The following FILIP1L variants were observed in gnomAD, a reference collection of about 807,000 sequenced individuals.
The protein encoded by FILIP1L is filamin A interacting protein 1 like, also known as filamin A-interacting protein 1-like.
A neutral mutation model predicts 96.6 loss-of-function variants in FILIP1L; 55 were observed. That is an observed-to-expected ratio of 0.57 (90% CI 0.46 to 0.71). The LOEUF is 0.71. Among genes scored for constraint, FILIP1L ranks in the 30% least tolerant of loss-of-function variants. The pLI, the probability that FILIP1L is intolerant of heterozygous loss-of-function variation, is 0.00. For synonymous variants in FILIP1L, 467 were observed against 473.9 expected (o/e 0.99, Z 0.19); for missense variants, 1,304 against 1,321.2 (o/e 0.99, Z 0.20).
chr3:100,042,951 A>C (rs1403867533), intron 1 of FILIP1L, among the ~76,000 whole-genome samples: 1 of 152,236 alleles, frequency 6.6e-6, no homozygotes, highest in Non-Finnish European at 1.5e-5. Flanking sequence ...GTAAAGTCCT[A>C]CATGTTTGTG....
At position 100,047,623 on chromosome 3, in the gene FILIP1L, A is replaced by C. The variant is rs144588961; in HGVS notation, c.-11+66430T>G. Among the ~76,000 whole-genome samples, 469 of 152,340 alleles carry C rather than the reference A, an allele frequency of 3.1e-3. 4 individuals are homozygous for C. Among genetic ancestry groups the C allele is most frequent in the African/African-American group, 0.011 (444 of 41,580 alleles). ...TTATGCCTCCGCAAACAGTGATTCA[A>C]CTGCAGGTGTCTGTCAAGAGACAGT... On this transcript the variant is annotated intron_variant, in intron 1 of 5. Transcript: ENST00000477258.
At chr3:99,992,016 A>G (rs1264466174) in intron 1 of FILIP1L, among the ~76,000 whole-genome samples, 3 of 149,084 alleles carry the variant, frequency 2.0e-5, no homozygotes, top group African/African-American at 7.4e-5. Flanking sequence ...GTGTGTGTAT[A>G]TATATATATA....
chr3:99,983,414 ATATATG>A (rs1191921981), intron 1 of FILIP1L, among the ~76,000 whole-genome samples: 37 of 95,014 alleles, frequency 3.9e-4, no homozygotes, highest in Non-Finnish European at 5.9e-4. Context: ...ATATATATAT[ATATATG>A]TATGTATGTA....
intron 4 of FILIP1L, among the ~76,000 whole-genome samples, chr3:99,884,528 C>T (rs972578383): frequency 6.6e-6 from 1 of 152,136 alleles, no homozygotes; most frequent in African/African-American, 2.4e-5. Flanking sequence ...AGCCTACTGT[C>T]TGTCAGTCAC....
chr3:99,895,410 A>C, intron 4 of FILIP1L, among the ~76,000 whole-genome samples: 1 of 150,534 alleles, frequency 6.6e-6, no homozygotes. Context: ...TGTATCCCAT[A>C]ACATATGAAT....
intron 1 of FILIP1L, among the ~76,000 whole-genome samples, chr3:100,030,201 A>G (rs1482997658): frequency 1.3e-5 from 2 of 152,124 alleles, no homozygotes; most frequent in African/African-American, 4.8e-5. Flanking sequence ...CTAGTTTAAT[A>G]TTATTTTCTC....
intron 1 of FILIP1L, among the ~76,000 whole-genome samples, chr3:100,045,686 T>G (rs1347374337): frequency 6.6e-6 from 1 of 152,204 alleles, no homozygotes; most frequent in Non-Finnish European, 1.5e-5. Context: ...TTGAGAAATA[T>G]CTGTCTAAAT....
intron 1 of FILIP1L, among the ~76,000 whole-genome samples, chr3:99,948,113 T>C (rs1414151323): frequency 2.0e-5 from 3 of 152,214 alleles, no homozygotes; most frequent in African/African-American, 7.2e-5. Flanking sequence ...TGCTGTCTTA[T>C]GTCCAAAAAA....
chr3:100,094,726 C>T lies in FILIP1L; in HGVS notation c.-11+19327G>A, dbSNP rs567722126. On this transcript the variant is annotated intron_variant, in intron 1 of 5. Transcript: ENST00000477258. ...TTTGAGACAGTCTCGCTCTGTCACCCGAGCTGGAGTGCAGTGGCACAATCT... is the reference window on the plus strand; with the variant it reads ...TTTGAGACAGTCTCGCTCTGTCACCTGAGCTGGAGTGCAGTGGCACAATCT... 1.1e-3 allele frequency among the ~76,000 whole-genome samples: 148 copies of T among 135,746 alleles called. 1 individual carries two copies. Among genetic ancestry groups the T allele is most frequent in the Admixed American group, 3.1e-3 (38 of 12,226 alleles). The allele number at this position is 135,746 out of a possible 152,430, so 89.1% of individuals were successfully genotyped here.
chr3:99,848,754 G>A lies in FILIP1L; in HGVS notation c.2922C>T (p.Ser974=). The A allele has an allele frequency of 6.2e-7, 1 of 1,614,126 alleles. No homozygotes were observed. The highest frequency in any genetic ancestry group is 8.5e-7 in the Non-Finnish European group (1 of 1,180,012). ...TGGCAAAGGTTGCCATGGTAATTGG[G>A]GACATGCCTTGTTCTAAATTCATGA... ...EDLMNLEQGM[S]PITMATFARA... Residue 974 remains serine, a synonymous_variant, in exon 5 of 6, where the codon TCC becomes TCT. Coordinates refer to ENST00000477258, the MANE Select transcript of FILIP1L (RefSeq NM_001387850.1).
At chr3:99,952,380 C>T (rs148340924) in intron 1 of FILIP1L, among the ~76,000 whole-genome samples, 303 of 152,226 alleles carry the variant, frequency 2.0e-3, no homozygotes, top group African/African-American at 6.8e-3. Context: ...TTCTGCCAGT[C>T]ATTATGTCTG....
chr3:99,922,649 G>C (rs1707160847), intron 4 of FILIP1L, among the ~76,000 whole-genome samples: 1 of 152,118 alleles, frequency 6.6e-6, no homozygotes, highest in Non-Finnish European at 1.5e-5. Context: ...ATTTGAGATT[G>C]GTTACTTTCC....
chr3:99,885,842 G>C (rs1205185858), intron 4 of FILIP1L, among the ~76,000 whole-genome samples: 1 of 152,102 alleles, frequency 6.6e-6, no homozygotes, highest in East Asian at 1.9e-4. Context: ...ACAACAACAA[G>C]AAATGAAGAA....
intron 1 of FILIP1L, among the ~76,000 whole-genome samples, chr3:99,972,398 T>C (rs192142039): frequency 2.6e-5 from 4 of 152,324 alleles, no homozygotes; most frequent in Admixed American, 2.0e-4. Context: ...TCATAAACCG[T>C]GAGAAGCCTC....
intron 5 of FILIP1L, chr3:99,833,155 G>A (rs1481353055): frequency 3.8e-6 from 5 of 1,327,842 alleles, no homozygotes; most frequent in African/African-American, 1.5e-5. Flanking sequence ...AGAAGAAAAC[G>A]ATTTTTTAAT....
At position 100,001,185 on chromosome 3, in the gene FILIP1L, C is replaced by G. The variant is rs16841872; in HGVS notation, c.-10-70155G>C. On this transcript the variant is annotated intron_variant, in intron 1 of 5. Coordinates refer to ENST00000477258, the MANE Select transcript of FILIP1L (RefSeq NM_001387850.1). The stretch of plus-strand genomic sequence containing the variant: ...AATTTAGTAGTAGTAGCCATACCCT[C>G]TCACTTTGTCTCAGTTCACCTATTT... Among the ~76,000 whole-genome samples the G allele has an allele frequency of 5.0e-3, 760 of 152,340 alleles. 5 individuals are homozygous for G. Among genetic ancestry groups the G allele is most frequent in the African/African-American group, 0.017 (715 of 41,576 alleles).
chr3:99,922,671 A>G (rs1707161613), intron 4 of FILIP1L, among the ~76,000 whole-genome samples: 1 of 152,220 alleles, frequency 6.6e-6, no homozygotes, highest in Admixed American at 6.5e-5. Context: ...TCTTTTCAGT[A>G]TCAATAGAGA....
chr3:99,966,993 G>A (rs1020921187), intron 1 of FILIP1L, among the ~76,000 whole-genome samples: 5 of 152,106 alleles, frequency 3.3e-5, no homozygotes, highest in Non-Finnish European at 5.9e-5. Context: ...TGGCTGTTAG[G>A]TGATCATTGC....
intron 1 of FILIP1L, among the ~76,000 whole-genome samples, chr3:100,057,003 C>CA (rs551968595): frequency 2.1e-4 from 31 of 147,044 alleles, no homozygotes; most frequent in Admixed American, 1.0e-3. Flanking sequence ...GACTCTGTCT[C>CA]AAAAAAAAAA....
Sources: allele counts gnomAD v4.1 joint callset (sites outside exome capture counted in the v4.1 genomes callset), GRCh38; gene constraint gnomAD v4.1.1; transcripts MANE v1.5; gene names NCBI Gene and HGNC (gene_info 2026-07-23, HGNC 2026-07-21).